Variants in PODXL observed in about 807,000 individuals in gnomAD.
PODXL encodes the protein podocalyxin.
PODXL carries 20 observed loss-of-function variants against 48.9 expected under a neutral mutation model. The ratio of observed to expected loss-of-function variants is 0.41; its 90% CI spans 0.29 to 0.59. The LOEUF is 0.59. PODXL is among the 20% of genes least tolerant of loss of function. The pLI is 0.31. For synonymous variants in PODXL, 295 were observed against 287.4 expected (o/e 1.03, Z -0.27); for missense variants, 606 against 675.1 (o/e 0.90, Z 1.13).
chr7:131,522,787 CTTTGATG>C (rs1238414615), intron 1 of PODXL, among the ~76,000 whole-genome samples: 2 of 152,208 alleles, frequency 1.3e-5, no homozygotes, highest in Non-Finnish European at 2.9e-5. Flanking sequence ...GCTTCTTTCA[CTTTGATG>C]TGTTTTCAAG....
At chr7:131,504,539 G>T (rs202227376) in intron 8 of PODXL, 31 bp from the exon 9 acceptor site, 5 of 1,579,532 alleles carry the variant, frequency 3.2e-6, no homozygotes, top group Admixed American at 1.7e-5. Context: ...GGTGAGAAGG[G>T]GGTTTCAGAG....
chr7:131,505,426 T>C (rs1208373857), intron 8 of PODXL, among the ~76,000 whole-genome samples: 1 of 151,804 alleles, frequency 6.6e-6, no homozygotes, highest in Non-Finnish European at 1.5e-5. Flanking sequence ...GCAGGCGGAT[T>C]GCTTGAGGTC....
intron 1 of PODXL, among the ~76,000 whole-genome samples, chr7:131,522,014 C>A (rs1195836679): frequency 6.6e-6 from 1 of 152,220 alleles, no homozygotes; most frequent in Non-Finnish European, 1.5e-5. Flanking sequence ...AAACCCAGCC[C>A]GAACATCTAG....
chr7:131,507,320 C>T (rs1015012762), intron 5 of PODXL, among the ~76,000 whole-genome samples: 1 of 152,228 alleles, frequency 6.6e-6, no homozygotes, highest in Admixed American at 6.5e-5. Context: ...AGTAGGGGAA[C>T]AGGTGGGATC....
At chr7:131,551,721 G>T (rs1487253710) in intron 1 of PODXL, among the ~76,000 whole-genome samples, 1 of 151,834 alleles carries the variant, frequency 6.6e-6, no homozygotes, top group Non-Finnish European at 1.5e-5. Flanking sequence ...CGGATCATGA[G>T]GTCAGGAGAT....
rs902964994 is a variant in PODXL, at chr7:131,501,868, G to A, written c.*2443C>T. The A allele has an allele frequency of 6.6e-6, 1 of 152,270 alleles. No individual in the cohort carries two copies. The highest frequency in any genetic ancestry group is 6.5e-5 in the Admixed American group (1 of 15,290). The allele number at this position is 152,270 out of a possible 1,614,324, so 9.4% of individuals were successfully genotyped here. A position where few individuals can be genotyped will look rare whatever the true frequency, so the allele number is the denominator to read the frequency against. On this transcript the variant is annotated 3_prime_UTR_variant, in exon 9 of 9. Transcript: ENST00000378555. ...TGTCCTGGTGGCAAGAGCAAGGCAAGGTGTCAGATTCTGAAGCTGTCCTAA... is the reference window on the plus strand; with the variant it reads ...TGTCCTGGTGGCAAGAGCAAGGCAAAGTGTCAGATTCTGAAGCTGTCCTAA...
intron 1 of PODXL, among the ~76,000 whole-genome samples, chr7:131,549,338 G>C (rs2116868715): frequency 6.6e-6 from 1 of 152,284 alleles, no homozygotes; most frequent in African/African-American, 2.4e-5. Context: ...AATGGTCTGT[G>C]AGATAAAGGT....
chr7:131,532,258 AC>A (rs1287811755), intron 1 of PODXL, among the ~76,000 whole-genome samples: 1 of 149,650 alleles, frequency 6.7e-6, no homozygotes, highest in Non-Finnish European at 1.5e-5. Context: ...ACACGGTGAA[AC>A]CCCGTCTCTA....
rs540492675 is a variant in PODXL at position 131,503,119 on chromosome 7, G to C, written c.*1192C>G. 2.6e-5 allele frequency: 4 copies of C among 152,836 alleles called. No individual in the cohort carries two copies. The South Asian group carries it at 8.3e-4, about 32-fold the overall frequency. The allele number at this position is 152,836 out of a possible 1,614,324, so 9.5% of individuals were successfully genotyped here. A position where few individuals can be genotyped will look rare whatever the true frequency, so the allele number is the denominator to read the frequency against. On this transcript the variant is annotated 3_prime_UTR_variant, in exon 9 of 9. Coordinates refer to ENST00000378555, the MANE Select transcript of PODXL (RefSeq NM_001018111.3). The stretch of plus-strand genomic sequence containing the variant: ...TTGGCCTTTGGCAGTGGAGGGCTGG[G>C]TTAGAAAACAACTATAACAAAACTC...
At chr7:131,548,279 T>G (rs1236596429) in intron 1 of PODXL, among the ~76,000 whole-genome samples, 1 of 152,276 alleles carries the variant, frequency 6.6e-6, no homozygotes, top group Non-Finnish European at 1.5e-5. Context: ...GGACCAGTTC[T>G]GCAGTAGCAT....
intron 1 of PODXL, among the ~76,000 whole-genome samples, chr7:131,533,836 C>G (rs1453698489): frequency 2.0e-5 from 3 of 152,214 alleles, no homozygotes; most frequent in African/African-American, 7.2e-5. Context: ...AGTCCACACA[C>G]AAGCTGTATA....
intron 1 of PODXL, among the ~76,000 whole-genome samples, chr7:131,536,039 T>C (rs1798369088): frequency 6.6e-6 from 1 of 152,226 alleles, no homozygotes; most frequent in African/African-American, 2.4e-5. Context: ...ATTATAGGCA[T>C]GAGCCACTGT....
At position 131,521,029 on chromosome 7, in the gene PODXL, G is replaced by A. The variant is rs566020698; in HGVS notation, c.101-9596C>T. On this transcript the variant is annotated intron_variant, in intron 1 of 8. Transcript: ENST00000378555. ...CTAAAAATACAAAAATTAGCCGGGC[G>A]TGGTGGCAGGTGCCTGTAATCCCAG... Among the ~76,000 whole-genome samples the A allele has an allele frequency of 9.9e-5, 15 of 152,156 alleles. No individual in the cohort carries two copies. In the East Asian group the frequency reaches 1.7e-3, roughly 18 times the overall value.
At chr7:131,535,019 T>C (rs1433750080) in intron 1 of PODXL, among the ~76,000 whole-genome samples, 1 of 151,930 alleles carries the variant, frequency 6.6e-6, no homozygotes, top group Non-Finnish European at 1.5e-5. Context: ...GCCACTGCAC[T>C]CCAGCCGGGG....
rs1384797384 is a variant in PODXL at position 131,502,251 on chromosome 7, A to C, written c.*2060T>G. 1 of 152,122 alleles carries C rather than the reference A, an allele frequency of 6.6e-6. No individual in the cohort carries two copies. Among genetic ancestry groups the C allele is most frequent in the Non-Finnish European group, 1.5e-5 (1 of 68,076 alleles). The allele number at this position is 152,122 out of a possible 1,614,324, so 9.4% of individuals were successfully genotyped here. ...AGCGCTGGGCAAGAAGGAAGCAAAC[A>C]CCTCACTCAAGCCTAACAAGATTTC... On this transcript the variant is annotated 3_prime_UTR_variant, in exon 9 of 9. Coordinates refer to ENST00000378555, the MANE Select transcript of PODXL (RefSeq NM_001018111.3).
chr7:131,528,391 G>T (rs1455980521), intron 1 of PODXL, among the ~76,000 whole-genome samples: 1 of 152,186 alleles, frequency 6.6e-6, no homozygotes, highest in Non-Finnish European at 1.5e-5. Context: ...ACTCATGTTG[G>T]AAATAGGAAC....
At chr7:131,547,674 A>G (rs1344855988) in intron 1 of PODXL, among the ~76,000 whole-genome samples, 3 of 152,218 alleles carry the variant, frequency 2.0e-5, no homozygotes, top group Non-Finnish European at 4.4e-5. Flanking sequence ...GTAGAGACCT[A>G]TCATACGGAA....
chr7:131,532,279 C>G (rs1196008467), intron 1 of PODXL, among the ~76,000 whole-genome samples: 2 of 147,356 alleles, frequency 1.4e-5, no homozygotes, highest in African/African-American at 2.5e-5. Context: ...ATTAAAAGTA[C>G]AAAAAAATTA....
intron 1 of PODXL, among the ~76,000 whole-genome samples, chr7:131,512,713 C>T (rs1010930106): frequency 9.9e-5 from 15 of 152,176 alleles, no homozygotes; most frequent in African/African-American, 3.4e-4. Flanking sequence ...TGTGGTGGCT[C>T]ATGCCTTTAA....
Sources: gnomAD v4.1 joint callset for allele counts (sites outside exome capture counted in the v4.1 genomes callset) on GRCh38, gnomAD v4.1.1 for gene constraint, MANE v1.5 for transcripts, NCBI Gene and HGNC (gene_info 2026-07-23, HGNC 2026-07-21) for gene names.